Variants in COPS2 observed in about 807,000 individuals in gnomAD.
COPS2 encodes the protein COP9 signalosome subunit 2.
In COPS2, 10 loss-of-function variants were observed where a neutral mutation model predicts 66.1. The observed-to-expected ratio is 0.15, with a 90% confidence interval of 0.09 to 0.26. COPS2 has a LOEUF of 0.26. Among genes scored for constraint, COPS2 ranks in the 10% least tolerant of loss-of-function variants. The pLI is 1.00. For missense variants in COPS2, 215 were observed against 513.3 expected (o/e 0.42, Z 5.62); for synonymous variants, 179 against 171.3 (o/e 1.04, Z -0.35).
chr15:49,138,400 C>T (rs2141127569), intron 4 of COPS2, among the ~76,000 whole-genome samples: 1 of 152,170 alleles, frequency 6.6e-6, no homozygotes, highest in South Asian at 2.1e-4. Flanking sequence ...TCTGTTGTTA[C>T]TTTCAAAAGA....
chr15:49,143,341 T>A (rs1203145272), intron 3 of COPS2, among the ~76,000 whole-genome samples: 2 of 152,204 alleles, frequency 1.3e-5, no homozygotes, highest in African/African-American at 4.8e-5. Context: ...AAGAATGGCA[T>A]AATCTGACTT....
intron 1 of COPS2, among the ~76,000 whole-genome samples, chr15:49,147,890 TGCTAAAA>T (rs2084332393): frequency 1.3e-5 from 2 of 152,210 alleles, no homozygotes; most frequent in Admixed American, 1.3e-4. Context: ...CAAATGTTAT[TGCTAAAA>T]TATATAAATA....
intron 11 of COPS2, 129 bp from the exon 12 acceptor site, chr15:49,128,889 TTTCA>T (rs1477744110): frequency 1.7e-6 from 1 of 603,958 alleles, no homozygotes. Flanking sequence ...TTTAAACATA[TTTCA>T]TTATCACTTC....
chr15:49,139,259 T>C (rs1176728387), intron 4 of COPS2: 2 of 319,068 alleles, frequency 6.3e-6, no homozygotes, highest in African/African-American at 2.2e-5. Context: ...AGCAACTGTA[T>C]AGGAGTCTAA....
chr15:49,148,029 T>G (rs1281877217), intron 1 of COPS2, among the ~76,000 whole-genome samples: 2 of 152,170 alleles, frequency 1.3e-5, no homozygotes, highest in African/African-American at 2.4e-5. Flanking sequence ...AACCCATCAT[T>G]TGCACCCCAC....
chr15:49,141,393 G>A (rs529770379), intron 3 of COPS2, among the ~76,000 whole-genome samples: 1 of 152,084 alleles, frequency 6.6e-6, no homozygotes, highest in Admixed American at 6.5e-5. Context: ...GCTACTTGGA[G>A]GCTGAGGGAG....
At position 49,127,873 on chromosome 15, in the gene COPS2, T is replaced by A. The variant is rs2084179600; in HGVS notation, c.*77A>T. ...TCAGGACACATCAACCGACAGTAGT[T>A]TTGCCATTCCCAGTTCTTTTAAGGA... On this transcript the variant is annotated 3_prime_UTR_variant, in exon 13 of 13. Coordinates refer to ENST00000388901, the MANE Select transcript of COPS2 (RefSeq NM_004236.4). 2 of 1,428,814 alleles carry A rather than the reference T, an allele frequency of 1.4e-6. No homozygotes were observed. The highest frequency in any genetic ancestry group is 1.9e-6 in the Non-Finnish European group (2 of 1,053,752). 88.5% of individuals were successfully genotyped at this position (1,428,814 alleles called of 1,614,324 possible).
chr15:49,140,153 A>C (rs1435313108), intron 3 of COPS2, among the ~76,000 whole-genome samples: 2 of 151,256 alleles, frequency 1.3e-5, no homozygotes, highest in Non-Finnish European at 2.9e-5. Flanking sequence ...CACCGGGCTA[A>C]TTTTGTATTT....
At chr15:49,152,750 G>C (rs2084371620) in intron 1 of COPS2, among the ~76,000 whole-genome samples, 1 of 152,116 alleles carries the variant, frequency 6.6e-6, no homozygotes, top group Admixed American at 6.5e-5. Context: ...TCGAACCTGG[G>C]AGGCGGAGGT....
intron 1 of COPS2, among the ~76,000 whole-genome samples, chr15:49,149,135 A>T (rs1396249538): frequency 6.6e-6 from 1 of 151,526 alleles, no homozygotes; most frequent in Non-Finnish European, 1.5e-5. Flanking sequence ...GATTAAAAAT[A>T]AAAAAACCCC....
At chr15:49,132,937 C>G (rs186706499) in intron 9 of COPS2, among the ~76,000 whole-genome samples, 1 of 151,768 alleles carries the variant, frequency 6.6e-6, no homozygotes, top group Non-Finnish European at 1.5e-5. Context: ...CTTACCAGTA[C>G]GACCCTTCTG....
intron 3 of COPS2, among the ~76,000 whole-genome samples, chr15:49,140,167 T>A (rs1170745527): frequency 6.6e-6 from 1 of 151,794 alleles, no homozygotes; most frequent in African/African-American, 2.4e-5. Context: ...TGTATTTTTT[T>A]TTTTTTTAGT....
intron 10 of COPS2, among the ~76,000 whole-genome samples, chr15:49,130,033 A>C (rs747531788): frequency 6.6e-6 from 1 of 152,164 alleles, no homozygotes; most frequent in Non-Finnish European, 1.5e-5. Flanking sequence ...ACGTTTTTCT[A>C]TATCTATAAA....
At chr15:49,137,308 C>T (rs1302049676) in intron 5 of COPS2, 40 bp downstream of exon 5, 2 of 1,527,136 alleles carry the variant, frequency 1.3e-6, no homozygotes, top group East Asian at 2.3e-5. Flanking sequence ...AAACACCCAC[C>T]CACTTTTCAA....
intron 1 of COPS2, among the ~76,000 whole-genome samples, chr15:49,146,815 C>G (rs1244348696): frequency 6.6e-6 from 1 of 152,072 alleles, no homozygotes; most frequent in East Asian, 1.9e-4. Flanking sequence ...TTCCTCTCCT[C>G]AAAAATGGTT....
chr15:49,154,344 TAC>T (rs1324359312), intron 1 of COPS2, among the ~76,000 whole-genome samples: 1 of 152,184 alleles, frequency 6.6e-6, no homozygotes, highest in East Asian at 1.9e-4. Context: ...TTAGCGAAAC[TAC>T]ATTTAACTTT....
chr15:49,133,296 GT>G (rs1296859633), intron 9 of COPS2, among the ~76,000 whole-genome samples: 3 of 152,080 alleles, frequency 2.0e-5, no homozygotes, highest in Non-Finnish European at 4.4e-5. Flanking sequence ...CCTATCCATT[GT>G]AAACATTTTT....
chr15:49,149,091 C>A (rs1469080649), intron 1 of COPS2, among the ~76,000 whole-genome samples: 1 of 152,034 alleles, frequency 6.6e-6, no homozygotes, highest in Non-Finnish European at 1.5e-5. Context: ...GAAAAATAAT[C>A]AAGCACTTGT....
At position 49,127,971 on chromosome 15, in the gene COPS2, A is replaced by G. The variant is rs2084180832; in HGVS notation, c.1311T>C (p.Ala437=). The G allele has an allele frequency of 6.2e-7, 1 of 1,613,868 alleles. No individual in the cohort carries two copies. The change falls in exon 13 of 13, where the codon GCT becomes GCC. Residue 437 remains alanine (A), a synonymous_variant. Coordinates refer to ENST00000388901, the MANE Select transcript of COPS2 (RefSeq NM_004236.4). ...WTNQLNSLNQ[A]VVSKLA is the part of the protein sequence containing the mutation. ...TCTGTTAAGCCAGTTTACTGACTAC[A>G]GCCTGGTTGAGAGAATTTAGTTGGT...
Sources: gnomAD v4.1 joint callset for allele counts (sites outside exome capture counted in the v4.1 genomes callset) on GRCh38, gnomAD v4.1.1 for gene constraint, MANE v1.5 for transcripts, NCBI Gene and HGNC (gene_info 2026-07-23, HGNC 2026-07-21) for gene names.